PAPLN: variants seen among roughly 807,000 people sequenced by gnomAD.
The protein encoded by PAPLN is papilin, proteoglycan like sulfated glycoprotein, also known as papilin.
PAPLN carries 146 observed loss-of-function variants against 159.0 expected under a neutral mutation model. The ratio of observed to expected loss-of-function variants is 0.92; its 90% CI spans 0.80 to 1.05. The LOEUF (loss-of-function observed/expected upper bound fraction) is 1.05, where lower values mean the gene tolerates loss of function less well. PAPLN is among the 50% of genes least tolerant of loss of function. The pLI, the probability that PAPLN is intolerant of heterozygous loss-of-function variation, is 0.00. For missense variants in PAPLN, 1,720 were observed against 1,743.9 expected, an observed-to-expected ratio of 0.99 and a Z score of 0.24; for synonymous variants, 734 against 702.9, an observed-to-expected ratio of 1.04 and a Z score of -0.70.
At chr14:73,271,839 C>T (rs368944827) in intron 26 of PAPLN, among the ~76,000 whole-genome samples, 1 of 149,050 alleles carries the variant, frequency 6.7e-6, no homozygotes, top group East Asian at 2.0e-4. Context: ...ACAGACGTTC[C>T]TAGTAAATTC....
intron 22 of PAPLN, 45 bp downstream of exon 22, chr14:73,264,771 C>T (rs748185734): frequency 7.5e-6 from 12 of 1,608,860 alleles, no homozygotes; most frequent in Non-Finnish European, 1.0e-5. Flanking sequence ...ACGCCAGGGC[C>T]AGGGCCGGGG....
intron 26 of PAPLN, among the ~76,000 whole-genome samples, chr14:73,269,749 T>TGG (rs1282167654): frequency 1.3e-5 from 2 of 152,136 alleles, no homozygotes; most frequent in African/African-American, 4.8e-5. Context: ...ATACAGACCT[T>TGG]GGGGGAGTAT....
chr14:73,250,529 A>T (rs142189893), intron 6 of PAPLN, among the ~76,000 whole-genome samples: 156 of 152,222 alleles, frequency 1.0e-3, no homozygotes, highest in African/African-American at 3.3e-3. Context: ...CTAGAAAGGG[A>T]ATTCCCAGGG....
At chr14:73,263,828 C>A in intron 20 of PAPLN, 46 bp downstream of exon 20, 1 of 1,548,696 alleles carries the variant, frequency 6.5e-7, no homozygotes, top group South Asian at 1.2e-5. Context: ...TGACAGCCCC[C>A]CTACCTTCCC....
Sources: allele counts gnomAD v4.1 joint callset (sites outside exome capture counted in the v4.1 genomes callset), GRCh38; gene constraint gnomAD v4.1.1; transcripts MANE v1.5; gene names NCBI Gene and HGNC (gene_info 2026-07-23, HGNC 2026-07-21).